The following VWA2 variants were observed in gnomAD, a reference collection of about 807,000 sequenced individuals.
VWA2 encodes von Willebrand factor A domain containing 2.
VWA2 carries 73 observed loss-of-function variants against 70.4 expected under a neutral mutation model. The ratio of observed to expected loss-of-function variants is 1.04; its 90% confidence interval spans 0.86 to 1.26. The LOEUF (loss-of-function observed/expected upper bound fraction) is 1.26, where lower values mean the gene tolerates loss of function less well. Among genes scored for constraint, VWA2 ranks in the 50% most tolerant of loss-of-function variants. The probability of loss-of-function intolerance (pLI) is 0.00; values close to 1 mark genes in which losing one functional copy is unlikely to be tolerated. For missense variants in VWA2, 1,011 were observed against 998.5 expected, an observed-to-expected ratio of 1.01 and a Z score of -0.17; for synonymous variants, 407 against 423.3, an observed-to-expected ratio of 0.96 and a Z score of 0.47.
At chr10:114,267,297 A>C (rs2133346885) in intron 5 of VWA2, among the ~76,000 whole-genome samples, 1 of 147,418 alleles carries the variant, frequency 6.8e-6, no homozygotes, top group South Asian at 2.1e-4. Flanking sequence ...TTGTATTTTT[A>C]GTAGAGATGG....
intron 13 of VWA2, 126 bp from the exon 14 acceptor site, chr10:114,291,092 A>C (rs2039549397): frequency 8.9e-7 from 1 of 1,118,404 alleles, no homozygotes; most frequent in Admixed American, 2.0e-5. Flanking sequence ...CTAATCTGGC[A>C]TCTTCTGCTG....
intron 5 of VWA2, among the ~76,000 whole-genome samples, chr10:114,264,423 CTT>C (rs35282387): frequency 2.7e-5 from 4 of 146,520 alleles, no homozygotes; most frequent in Admixed American, 6.8e-5. Flanking sequence ...TCCACGTTTT[CTT>C]TTTTTTTTTT....
intron 1 of VWA2, chr10:114,246,785 A>T: frequency 8.2e-7 from 1 of 1,212,476 alleles, no homozygotes; most frequent in Non-Finnish European, 1.2e-6. Context: ...ATGCTACTAA[A>T]ATTTATTTTA....
intron 13 of VWA2, 130 bp downstream of exon 13, chr10:114,290,495 C>T (rs2039471846): frequency 1.5e-6 from 2 of 1,318,652 alleles, no homozygotes; most frequent in South Asian, 2.9e-5. Context: ...AGTCGTTTAC[C>T]CACGAAACAT....
At chr10:114,254,385 A>T (rs1172482610) in intron 3 of VWA2, among the ~76,000 whole-genome samples, 1 of 152,086 alleles carries the variant, frequency 6.6e-6, no homozygotes, top group East Asian at 1.9e-4. Context: ...GTAAATCTTT[A>T]TTATTGAATT....
chr10:114,291,501 C>T lies in VWA2; in HGVS notation c.*264C>T. 1 of 470,808 alleles carries T rather than the reference C, an allele frequency of 2.1e-6. No individual in the cohort carries two copies. The allele number at this position is 470,808 out of a possible 1,614,324, so 29.2% of individuals were successfully genotyped here. On this transcript the variant is annotated 3_prime_UTR_variant, in exon 14 of 14. Coordinates refer to ENST00000392982, the MANE Select transcript of VWA2 (RefSeq NM_001272046.2). ...AAAAGTTTTGATGTGTAAGTAAATA[C>T]CCACTTTCTGTACCTGCTGTGCCTT...
At position 114,289,392 on chromosome 10, in the gene VWA2, G is replaced by GCGGAGGCTT; in HGVS notation, c.2026_2034dup (p.Arg676_Leu678dup). On this transcript the variant is annotated inframe_insertion, in exon 12 of 14. Transcript: ENST00000392982. Reference sequence around the variant, plus strand: ...TGGGGCCTGTCCTAAGTGAGGGTCTGCGGAGGCTTGCAGGTCCCCGGGATT... The same window carrying GCGGAGGCTT: ...TGGGGCCTGTCCTAAGTGAGGGTCTGCGGAGGCTTCGGAGGCTTGCAGGTCCCCGGGATT... 6.2e-7 allele frequency: 1 copy of GCGGAGGCTT among 1,602,204 alleles called. No homozygotes were observed. The highest frequency in any genetic ancestry group is 8.6e-7 in the Non-Finnish European group (1 of 1,169,128).
At chr10:114,269,299 G>A (rs989202791) in intron 5 of VWA2, among the ~76,000 whole-genome samples, 1 of 152,200 alleles carries the variant, frequency 6.6e-6, no homozygotes, top group Non-Finnish European at 1.5e-5. Context: ...AATCTGGATG[G>A]GCCAGGCGTG....
intron 5 of VWA2, among the ~76,000 whole-genome samples, chr10:114,268,534 G>A (rs1451213441): frequency 6.6e-6 from 1 of 152,084 alleles, no homozygotes; most frequent in Non-Finnish European, 1.5e-5. Flanking sequence ...TGAGCACAGC[G>A]CCTGGCACAC....
chr10:114,286,912 C>T (rs2038969377), intron 11 of VWA2, among the ~76,000 whole-genome samples: 1 of 152,188 alleles, frequency 6.6e-6, no homozygotes, highest in Admixed American at 6.5e-5. Flanking sequence ...AAAGTGTGTT[C>T]CTGGTGCACA....
In VWA2 at chr10:114,292,236, C is replaced by G. The variant is rs1334554971; in HGVS notation, c.*999C>G. On this transcript the variant is annotated 3_prime_UTR_variant, in exon 14 of 14. Transcript: ENST00000392982. ...AAGTTACAGTGAGCCGAGATCTCAC[C>G]ACTGCACTCCAGCCTGGGCAACAAG... Among the ~76,000 whole-genome samples, 1 of 152,058 alleles carries G rather than the reference C, an allele frequency of 6.6e-6. No individual in the cohort carries two copies. The highest frequency in any genetic ancestry group is 1.5e-5 in the Non-Finnish European group (1 of 68,014).
chr10:114,258,330 C>T (rs950810274), intron 4 of VWA2, among the ~76,000 whole-genome samples: 6 of 152,060 alleles, frequency 3.9e-5, no homozygotes, highest in Non-Finnish European at 7.4e-5. Flanking sequence ...TTTATGGATG[C>T]TCTGTTGTTA....
chr10:114,282,476 A>G (rs763955736), intron 8 of VWA2, 40 bp from the exon 9 acceptor site: 2 of 1,562,032 alleles, frequency 1.3e-6, no homozygotes, highest in East Asian at 4.5e-5. Context: ...CTCCCCTTAC[A>G]CCTCTGATCT....
chr10:114,272,045 AT>A (rs2037721841), intron 5 of VWA2, among the ~76,000 whole-genome samples: 1 of 152,194 alleles, frequency 6.6e-6, no homozygotes, highest in South Asian at 2.1e-4. Flanking sequence ...GAGCCTCCTA[AT>A]TTGAGATTTA....
chr10:114,259,137 C>T (rs1306019234), intron 4 of VWA2, among the ~76,000 whole-genome samples: 4 of 152,076 alleles, frequency 2.6e-5, no homozygotes, highest in South Asian at 2.1e-4. Context: ...GGATGTTGTA[C>T]CAATTTACAT....
At chr10:114,290,886 G>C (rs1340216724) in intron 13 of VWA2, among the ~76,000 whole-genome samples, 1 of 152,168 alleles carries the variant, frequency 6.6e-6, no homozygotes, top group Non-Finnish European at 1.5e-5. Flanking sequence ...CATTGTCAAG[G>C]GTAACAGATT....
intron 1 of VWA2, among the ~76,000 whole-genome samples, chr10:114,242,913 G>A (rs1310391866): frequency 1.3e-5 from 2 of 152,178 alleles, no homozygotes; most frequent in African/African-American, 4.8e-5. Context: ...CACTGGGGGA[G>A]TTTATGAAAC....
intron 7 of VWA2, 33 bp from the exon 8 acceptor site, chr10:114,278,686 C>T: frequency 1.2e-6 from 2 of 1,610,540 alleles, no homozygotes; most frequent in South Asian, 1.1e-5. Context: ...ACCCTGTCTC[C>T]TCCGTGGGTG....
At chr10:114,285,903 A>G (rs752336279) in intron 10 of VWA2, 36 bp from the exon 11 acceptor site, 8 of 1,545,960 alleles carry the variant, frequency 5.2e-6, no homozygotes, top group South Asian at 2.5e-5. Context: ...CCGCATGACC[A>G]TGGCTTGACA....
Sources: gnomAD v4.1 joint callset for allele counts (sites outside exome capture counted in the v4.1 genomes callset) on GRCh38, gnomAD v4.1.1 for gene constraint, MANE v1.5 for transcripts, NCBI Gene and HGNC (gene_info 2026-07-23, HGNC 2026-07-21) for gene names.